KIF13B: variants seen among roughly 807,000 people sequenced by gnomAD.
The protein encoded by KIF13B is kinesin family member 13B, also known as kinesin-like protein KIF13B.
A neutral mutation model predicts 222.0 loss-of-function variants in KIF13B; 127 were observed. That is an observed-to-expected ratio of 0.57 (90% confidence interval 0.50 to 0.66). The LOEUF (loss-of-function observed/expected upper bound fraction) is 0.66, where lower values mean the gene tolerates loss of function less well. Ranked by LOEUF, KIF13B falls within the 30% of genes least tolerant of loss-of-function variation. The pLI is 0.00. For missense variants in KIF13B, 2,173 were observed against 2,379.0 expected (o/e 0.91, Z 1.80); for synonymous variants, 976 against 919.0 (o/e 1.06, Z -1.12).
intron 5 of KIF13B, among the ~76,000 whole-genome samples, chr8:29,187,016 A>G (rs1355159051): frequency 6.6e-6 from 1 of 151,830 alleles, no homozygotes; most frequent in Non-Finnish European, 1.5e-5. Flanking sequence ...TCATCCTCAT[A>G]CTTTAAGAAA....
chr8:29,099,111 GACAAGTGAAAAGATA>G lies in KIF13B; in HGVS notation c.4324+7_4324+21del. 6.5e-6 allele frequency: 10 copies of G among 1,532,198 alleles called. No individual in the cohort carries two copies. The highest frequency in any genetic ancestry group is 8.1e-6 in the Non-Finnish European group (9 of 1,105,302). The allele number at this position is 1,532,198 out of a possible 1,614,324, so 94.9% of individuals were successfully genotyped here. On this transcript the variant is annotated splice_region_variant and intron_variant, in intron 36 of 39. Coordinates refer to ENST00000524189, the MANE Select transcript of KIF13B (RefSeq NM_015254.4). ...GATGCTCAGATTTCTGACAGTAATT[GACAAGTGAAAAGATA>G]ACTTACCTGGATCTGGAGAATGGTT...
At chr8:29,136,826 G>A (rs1048370994) in intron 21 of KIF13B, among the ~76,000 whole-genome samples, 98 of 136,706 alleles carry the variant, frequency 7.2e-4, no homozygotes, top group Admixed American at 4.8e-3. Flanking sequence ...TTGAGATGGC[G>A]TCTCGCTCTG....
intron 13 of KIF13B, among the ~76,000 whole-genome samples, chr8:29,157,583 T>C (rs1811592592): frequency 6.6e-6 from 1 of 151,898 alleles, no homozygotes; most frequent in Non-Finnish European, 1.5e-5. Flanking sequence ...CACATGCCTA[T>C]AATCATAGCT....
chr8:29,221,356 G>C (rs1195500605), intron 2 of KIF13B, among the ~76,000 whole-genome samples: 1 of 151,268 alleles, frequency 6.6e-6, no homozygotes, highest in Non-Finnish European at 1.5e-5. Flanking sequence ...GCCCGCTTCG[G>C]CCTCCCAAAA....
intron 2 of KIF13B, among the ~76,000 whole-genome samples, chr8:29,238,979 A>G (rs12543092): frequency 0.31 from 47,342 of 152,112 alleles, 7,708 homozygotes; most frequent in East Asian, 0.5. Context: ...TGGAGGCTGC[A>G]GTGAGCAGTG....
chr8:29,132,145 C>T (rs1264531456), intron 23 of KIF13B, among the ~76,000 whole-genome samples, 163 bp downstream of exon 23: 1 of 152,106 alleles, frequency 6.6e-6, no homozygotes, highest in Non-Finnish European at 1.5e-5. Context: ...ATTCAGGAGG[C>T]TGAGGCAAGA....
intron 37 of KIF13B, among the ~76,000 whole-genome samples, chr8:29,077,877 T>C (rs1177120831): frequency 1.3e-5 from 2 of 152,076 alleles, no homozygotes; most frequent in Non-Finnish European, 2.9e-5. Context: ...TCAGGCAACA[T>C]CAGCATCAGA....
intron 2 of KIF13B, among the ~76,000 whole-genome samples, chr8:29,233,099 T>C (rs1272639740): frequency 4.6e-5 from 7 of 152,138 alleles, no homozygotes; most frequent in African/African-American, 1.7e-4. Context: ...GAGGTTGCAG[T>C]GAGCAGAGAT....
At chr8:29,090,598 G>C (rs1808253428) in intron 37 of KIF13B, among the ~76,000 whole-genome samples, 1 of 152,216 alleles carries the variant, frequency 6.6e-6, no homozygotes, top group South Asian at 2.1e-4. Flanking sequence ...TGAGAAAAGG[G>C]AAATGCCTTC....
intron 1 of KIF13B, among the ~76,000 whole-genome samples, chr8:29,252,233 C>T (rs544413189): frequency 3.3e-5 from 5 of 152,268 alleles, no homozygotes; most frequent in African/African-American, 1.2e-4. Context: ...TATTAGTCAC[C>T]TTGTAAAAGT....
intron 2 of KIF13B, among the ~76,000 whole-genome samples, chr8:29,206,745 A>G (rs1435824626): frequency 1.3e-5 from 2 of 152,362 alleles, no homozygotes; most frequent in African/African-American, 4.8e-5. Flanking sequence ...AAGAGCTTAA[A>G]TTATTAAAAA....
rs140677701 is a variant in KIF13B, at chr8:29,258,770, C to T, written c.55+4210G>A. ...TCCTCAGTGAAGTCTAAACTCCTCTCGATTCCCTTATTTCCCTGTCATTCA... is the reference window on the plus strand; with the variant it reads ...TCCTCAGTGAAGTCTAAACTCCTCTTGATTCCCTTATTTCCCTGTCATTCA... On this transcript the variant is annotated intron_variant, in intron 1 of 39. Coordinates refer to ENST00000524189, the MANE Select transcript of KIF13B (RefSeq NM_015254.4). Among the ~76,000 whole-genome samples the T allele has an allele frequency of 1.0e-3, 153 of 152,268 alleles. 10 individuals carry two copies. In the East Asian group the frequency reaches 0.018, roughly 18 times the overall value.
chr8:29,167,283 TCATCCCTCA>T, intron 11 of KIF13B, 81 bp downstream of exon 11: 1 of 1,033,446 alleles, frequency 9.7e-7, no homozygotes, highest in Non-Finnish European at 1.5e-6. Flanking sequence ...AGTAGAGTAC[TCATCCCTCA>T]CAGCCCAGGG....
At chr8:29,196,554 C>G (rs1384200179) in intron 2 of KIF13B, among the ~76,000 whole-genome samples, 1 of 152,098 alleles carries the variant, frequency 6.6e-6, no homozygotes, top group Non-Finnish European at 1.5e-5. Flanking sequence ...TTTTTATCAT[C>G]TGGTTTCAGT....
chr8:29,138,304 C>G (rs564266424), intron 21 of KIF13B, among the ~76,000 whole-genome samples: 1 of 152,080 alleles, frequency 6.6e-6, no homozygotes, highest in African/African-American at 2.4e-5. Flanking sequence ...CACTGTACTC[C>G]AGCCTGGGTG....
chr8:29,189,284 CCTT>C (rs951519671), intron 4 of KIF13B: 1 of 149,590 alleles, frequency 6.7e-6, no homozygotes, highest in Non-Finnish European at 1.5e-5. Context: ...TGTCTCATTT[CCTT>C]TTTTTTTTTT....
intron 12 of KIF13B, among the ~76,000 whole-genome samples, chr8:29,162,404 C>CG (rs1375317758): frequency 6.6e-6 from 1 of 152,200 alleles, no homozygotes; most frequent in Non-Finnish European, 1.5e-5. Flanking sequence ...GTCTTCAAAT[C>CG]AAGTCTTTAA....
chr8:29,090,909 G>C (rs943791474), intron 37 of KIF13B, among the ~76,000 whole-genome samples: 1 of 152,144 alleles, frequency 6.6e-6, no homozygotes, highest in African/African-American at 2.4e-5. Flanking sequence ...GTAAAGACAG[G>C]GTTTCGCCAT....
intron 35 of KIF13B, among the ~76,000 whole-genome samples, chr8:29,106,150 T>C (rs2133597026): frequency 6.6e-6 from 1 of 152,320 alleles, no homozygotes; most frequent in Admixed American, 6.5e-5. Context: ...TAATCACAAC[T>C]GATGCTAAGC....
Sources: allele counts gnomAD v4.1 joint callset (sites outside exome capture counted in the v4.1 genomes callset), GRCh38; gene constraint gnomAD v4.1.1; transcripts MANE v1.5; gene names NCBI Gene and HGNC (gene_info 2026-07-23, HGNC 2026-07-21).